The following TBL1Y variants were observed in gnomAD, a reference collection of about 807,000 sequenced individuals.
TBL1Y encodes the protein transducin beta like 1 Y-linked, also known as F-box-like/WD repeat-containing protein TBL1Y.
In TBL1Y, 15 loss-of-function variants were observed where a neutral mutation model predicts 12.0. The observed-to-expected ratio is 1.25, with a 90% CI of 0.83 to 1.92. The LOEUF (loss-of-function observed/expected upper bound fraction) is 1.92. Ranked by LOEUF, TBL1Y falls within the 40% of genes most tolerant of loss-of-function variation. The pLI is 0.00. For synonymous variants in TBL1Y, 53 were observed against 42.6 expected (o/e 1.24, Z -0.95); for missense variants, 148 against 116.7 (o/e 1.27, Z -1.24).
At chrY:6,986,810 G>A (rs2012321842) in intron 3 of TBL1Y, among the ~76,000 whole-genome samples, 2 of 32,040 alleles carry the variant, frequency 6.2e-5, no homozygotes, top group African/African-American at 1.2e-4. Context: ...TGGAATGAAC[G>A]TCTTTTGAAT....
intron 7 of TBL1Y, among the ~76,000 whole-genome samples, chrY:7,063,097 C>T: frequency 3.0e-5 from 1 of 33,209 alleles, no homozygotes; most frequent in Non-Finnish European, 7.4e-5. Flanking sequence ...ACCCCTGAGA[C>T]CGCCACAAGG....
At chrY:7,004,605 A>G in intron 4 of TBL1Y, among the ~76,000 whole-genome samples, 1 of 34,125 alleles carries the variant, frequency 2.9e-5, no homozygotes, top group Non-Finnish European at 7.3e-5. Flanking sequence ...TCAGAATTTC[A>G]TTCTTTTTAA....
intron 7 of TBL1Y, among the ~76,000 whole-genome samples, chrY:7,055,531 G>C (rs2012820741): frequency 3.0e-5 from 1 of 33,372 alleles, no homozygotes; most frequent in East Asian, 7.9e-4. Flanking sequence ...TGGGAGGATC[G>C]CTTCAGGCCA....
chrY:7,078,394 G>T (rs2013073856), intron 13 of TBL1Y, among the ~76,000 whole-genome samples: 1 of 33,664 alleles, frequency 3.0e-5, no homozygotes, highest in African/African-American at 1.2e-4. Context: ...TCTTGGTTGG[G>T]CATTCTTGTA....
intron 13 of TBL1Y, among the ~76,000 whole-genome samples, chrY:7,080,051 GTTTTTTTTTTTTTTTTTTTTT>G (rs1466829965): frequency 2.5e-4 from 1 of 3,950 alleles, no homozygotes; most frequent in African/African-American, 1.6e-3. Context: ...GGGACTGTTT[GTTTTTTTTTTTTTTTTTTTTT>G]TTTTTTTTTT....
chrY:7,080,443 C>A (rs999143152), intron 13 of TBL1Y, among the ~76,000 whole-genome samples: 1 of 32,137 alleles, frequency 3.1e-5, no homozygotes, highest in African/African-American at 1.2e-4. Flanking sequence ...TTAAAATTAG[C>A]TTAGTGTGGT....
At chrY:7,047,891 C>G in intron 7 of TBL1Y, among the ~76,000 whole-genome samples, 4 of 29,007 alleles carry the variant, frequency 1.4e-4, no homozygotes, top group Non-Finnish European at 2.4e-4. Flanking sequence ...TCCCGAGTAG[C>G]TGGGACTACA....
intron 8 of TBL1Y, among the ~76,000 whole-genome samples, chrY:7,064,577 G>C: frequency 3.0e-5 from 1 of 33,707 alleles, no homozygotes; most frequent in Non-Finnish European, 7.3e-5. Flanking sequence ...CAGCTTATTT[G>C]GTCTTTGCAA....
intron 3 of TBL1Y, among the ~76,000 whole-genome samples, chrY:6,978,896 CAGTT>C (rs2012263259): frequency 3.1e-5 from 1 of 32,352 alleles, no homozygotes; most frequent in African/African-American, 1.2e-4. Context: ...GTGATTTTGC[CAGTT>C]AGTTGTACAA....
chrY:7,050,026 T>C, intron 7 of TBL1Y, among the ~76,000 whole-genome samples: 1 of 33,994 alleles, frequency 2.9e-5, no homozygotes, highest in African/African-American at 1.1e-4. Context: ...TTTGCATTGA[T>C]TAAAACTTCC....
intron 3 of TBL1Y, among the ~76,000 whole-genome samples, chrY:6,980,673 A>C: frequency 2.9e-5 from 1 of 33,920 alleles, no homozygotes; most frequent in Non-Finnish European, 7.3e-5. Flanking sequence ...GCAAGGAACC[A>C]TAAGGAATAA....
intron 5 of TBL1Y, 81 bp downstream of exon 5, chrY:7,021,618 C>T: frequency 5.9e-5 from 2 of 33,753 alleles, no homozygotes; most frequent in Non-Finnish European, 1.5e-4. Flanking sequence ...TTTGCCAAAA[C>T]GCAATCCCTT....
chrY:7,005,356 G>C, intron 4 of TBL1Y, among the ~76,000 whole-genome samples: 1 of 32,693 alleles, frequency 3.1e-5, no homozygotes, highest in Non-Finnish European at 7.5e-5. Context: ...TTGAGCTTGA[G>C]AGTTTAATGC....
At position 7,087,452 on chromosome Y, in the gene TBL1Y, G is replaced by A. The variant is rs746615060; in HGVS notation, c.1446+20G>A. On this transcript the variant is annotated intron_variant, in intron 17 of 18. Transcript: ENST00000383032. Reference sequence around the variant, plus strand: ...ACTCAGGTAAGCTCCTGACCCATACGAATCCTTTTAGTAAGGGATGCCTGA... The same window carrying A: ...ACTCAGGTAAGCTCCTGACCCATACAAATCCTTTTAGTAAGGGATGCCTGA... 5 of 390,139 alleles carry A rather than the reference G, an allele frequency of 1.3e-5. No homozygotes were observed. Among genetic ancestry groups the A allele is most frequent in the African/African-American group, 6.3e-5 (1 of 15,950 alleles).
At position 7,042,993 on chromosome Y, in the gene TBL1Y, G is replaced by A; in HGVS notation, c.72G>A (p.Ser24=). The stretch of plus-strand genomic sequence containing the variant: ...CTCTTGCCGCAGGTTTTTCTCACTC[G>A]GCTTTCACGTTTGGGATCGAGAGCC... The part of the protein sequence containing the change: ...RYLQESGFSH[S]AFTFGIESHI... The change falls in exon 7 of 19, where the codon TCG becomes TCA. Residue 24 remains serine (S), a synonymous_variant. Coordinates refer to ENST00000383032, the MANE Select transcript of TBL1Y (RefSeq NM_033284.2). The A allele has an allele frequency of 2.5e-6, 1 of 398,196 alleles. No individual in the cohort carries two copies. Among genetic ancestry groups the A allele is most frequent in the Non-Finnish European group, 3.5e-6 (1 of 283,546 alleles).
chrY:7,013,653 C>T, intron 4 of TBL1Y, among the ~76,000 whole-genome samples: 1 of 34,442 alleles, frequency 2.9e-5, no homozygotes, highest in African/African-American at 1.1e-4. Context: ...AGGCATTCAA[C>T]ACCAGATGGT....
At chrY:7,034,430 A>G in intron 6 of TBL1Y, among the ~76,000 whole-genome samples, 1 of 33,499 alleles carries the variant, frequency 3.0e-5, no homozygotes, top group East Asian at 7.8e-4. Context: ...ATTCAGTGTG[A>G]TCCCCATCAA....
intron 2 of TBL1Y, among the ~76,000 whole-genome samples, chrY:6,953,072 G>T: frequency 3.0e-5 from 1 of 33,552 alleles, no homozygotes; most frequent in Non-Finnish European, 7.4e-5. Flanking sequence ...GCTTCCCTTT[G>T]TGGGTAACCC....
chrY:7,062,780 C>G lies in TBL1Y; in HGVS notation c.205-1117C>G, dbSNP rs2012886052. Among the ~76,000 whole-genome samples, 4 of 33,594 alleles carry G rather than the reference C, an allele frequency of 1.2e-4. No individual in the cohort carries two copies. The East Asian group carries it at 3.2e-3, about 27-fold the overall frequency. 90.1% of individuals were successfully genotyped at this position (33,594 alleles called of 37,273 possible). On this transcript the variant is annotated intron_variant, in intron 7 of 18. Transcript: ENST00000383032. ...CACTGGAAATTTCTTGCCTTTTCTA[C>G]TACTGGAAGTTTGTGTGAGGTTCAG... is the stretch of plus-strand genomic sequence containing the variant.
Sources: gnomAD v4.1 joint callset for allele counts (sites outside exome capture counted in the v4.1 genomes callset) on GRCh38, gnomAD v4.1.1 for gene constraint, MANE v1.5 for transcripts, NCBI Gene and HGNC (gene_info 2026-07-23, HGNC 2026-07-21) for gene names.